CAMK2D: variants seen among roughly 807,000 people sequenced by gnomAD.
CAMK2D encodes calcium/calmodulin dependent protein kinase II delta, also known as calcium/calmodulin-dependent protein kinase type II subunit delta.
A neutral mutation model predicts 84.0 loss-of-function variants in CAMK2D; 37 were observed. The ratio of observed to expected loss-of-function variants is 0.44; its 90% CI spans 0.34 to 0.58. The LOEUF (loss-of-function observed/expected upper bound fraction) is 0.58. Among genes scored for constraint, CAMK2D ranks in the 20% least tolerant of loss-of-function variants. The pLI is 0.02. For missense variants in CAMK2D, 448 were observed against 652.5 expected (o/e 0.69, Z 3.41); for synonymous variants, 202 against 212.5 (o/e 0.95, Z 0.43).
In CAMK2D at chr4:113,493,700, A is replaced by G. The variant is rs202001276; in HGVS notation, c.1135+6763T>C. Among the ~76,000 whole-genome samples the G allele has an allele frequency of 6.1e-4, 92 of 152,054 alleles. No individual in the cohort carries two copies. In the East Asian group the frequency reaches 0.013, roughly 21 times the overall value. On this transcript the variant is annotated intron_variant, in intron 16 of 20. Transcript: ENST00000511664. ...TCTGAACGTTGGCCTGCCTTGCCAGATTGGGGAAGTTCTCCTGGATAATAT... is the reference window on the plus strand; with the variant it reads ...TCTGAACGTTGGCCTGCCTTGCCAGGTTGGGGAAGTTCTCCTGGATAATAT...
At chr4:113,707,728 T>C (rs1182259890) in intron 2 of CAMK2D, among the ~76,000 whole-genome samples, 1 of 152,140 alleles carries the variant, frequency 6.6e-6, no homozygotes, top group African/African-American at 2.4e-5. Flanking sequence ...TAGGGGGCAA[T>C]AGAACGAAAA....
chr4:113,744,331 CTA>C (rs1252847954), intron 2 of CAMK2D, among the ~76,000 whole-genome samples: 1 of 152,186 alleles, frequency 6.6e-6, no homozygotes, highest in Non-Finnish European at 1.5e-5. Flanking sequence ...GTCCTAAACA[CTA>C]TTGAAATTCT....
At chr4:113,658,225 G>A (rs1054993153) in intron 3 of CAMK2D, among the ~76,000 whole-genome samples, 1 of 152,042 alleles carries the variant, frequency 6.6e-6, no homozygotes, top group Non-Finnish European at 1.5e-5. Flanking sequence ...TTTTAAAATC[G>A]TTCTTTACAT....
At position 113,619,554 on chromosome 4, in the gene CAMK2D, C is replaced by T. The variant is rs145539931; in HGVS notation, c.221-10348G>A. On this transcript the variant is annotated intron_variant, in intron 3 of 20. Coordinates refer to ENST00000511664, the MANE Select transcript of CAMK2D (RefSeq NM_001321571.2). The stretch of plus-strand genomic sequence containing the variant: ...CATTGCACTCCAACTTCATTGGCAT[C>T]CTTGCTGCTTCTGGAGAACTCCAGG... Among the ~76,000 whole-genome samples, 1,347 of 152,280 alleles carry T rather than the reference C, an allele frequency of 8.8e-3. 9 individuals carry two copies. The highest frequency in any genetic ancestry group is 0.014 in the Non-Finnish European group (934 of 68,004).
intron 2 of CAMK2D, among the ~76,000 whole-genome samples, chr4:113,688,910 C>CAAAAAAAAAAAAAAAAAAAAAAAGA (rs2099369925): frequency 7.2e-4 from 36 of 49,692 alleles, no homozygotes; most frequent in East Asian, 2.6e-3. Context: ...AAAGAAGATG[C>CAAAAAAAAAAAAAAAAAAAAAAAGA]AAAAAAAAAA....
chr4:113,750,333 T>C (rs1176876037), intron 2 of CAMK2D, among the ~76,000 whole-genome samples: 3 of 152,130 alleles, frequency 2.0e-5, no homozygotes, highest in Admixed American at 6.5e-5. Flanking sequence ...GAGCAGGAAC[T>C]TTCTCCCTCC....
chr4:113,612,263 A>G (rs536404356), intron 3 of CAMK2D, among the ~76,000 whole-genome samples: 3 of 152,264 alleles, frequency 2.0e-5, no homozygotes, highest in Non-Finnish European at 4.4e-5. Flanking sequence ...GACATCATCT[A>G]TTTCTCTTCA....
chr4:113,725,112 T>A (rs907184260), intron 2 of CAMK2D, among the ~76,000 whole-genome samples: 1 of 152,072 alleles, frequency 6.6e-6, no homozygotes, highest in African/African-American at 2.4e-5. Context: ...AGGCTTAAGA[T>A]GTGCAACTAG....
chr4:113,633,346 A>G (rs1241874049), intron 3 of CAMK2D, among the ~76,000 whole-genome samples: 1 of 152,196 alleles, frequency 6.6e-6, no homozygotes, highest in East Asian at 1.9e-4. Context: ...TTTTCTTCAA[A>G]AAGGTATTAA....
chr4:113,602,333 T>C (rs545564478), intron 4 of CAMK2D, among the ~76,000 whole-genome samples: 7 of 152,330 alleles, frequency 4.6e-5, no homozygotes, highest in African/African-American at 1.7e-4. Context: ...TAATGAAGGG[T>C]AACAAAATAT....
In CAMK2D at chr4:113,486,194, A is replaced by T. The variant is rs548141953; in HGVS notation, c.1135+14269T>A. Among the ~76,000 whole-genome samples, 12 of 151,954 alleles carry T rather than the reference A, an allele frequency of 7.9e-5. No homozygotes were observed. In the East Asian group the frequency reaches 2.3e-3, roughly 29 times the overall value. On this transcript the variant is annotated intron_variant, in intron 16 of 20. Coordinates refer to ENST00000511664, the MANE Select transcript of CAMK2D (RefSeq NM_001321571.2). ...CAGGCTGGAGTGAGTGCAGTAGTGC[A>T]GTCATAGCTCGCTGTGGTATTGAAC...
chr4:113,703,282 C>T (rs68163940), intron 2 of CAMK2D, among the ~76,000 whole-genome samples: 35,063 of 152,006 alleles, frequency 0.23, 7,542 homozygotes, highest in African/African-American at 0.57. Flanking sequence ...GAAAATGCTA[C>T]AGTAAAATTT....
At chr4:113,723,909 C>G (rs2099538462) in intron 2 of CAMK2D, among the ~76,000 whole-genome samples, 1 of 152,056 alleles carries the variant, frequency 6.6e-6, no homozygotes, top group Non-Finnish European at 1.5e-5. Flanking sequence ...TTTACTTTTT[C>G]TTTATGAAGT....
chr4:113,569,396 TTAAGTTTTGCATATGGTGTAAGG>T (rs1315475318), intron 4 of CAMK2D, among the ~76,000 whole-genome samples: 3 of 152,246 alleles, frequency 2.0e-5, no homozygotes, highest in African/African-American at 7.2e-5. Context: ...TTGATCCATT[TTAAGTTTTGCATATGGTGTAAGG>T]TAAGGGTCCA....
At chr4:113,578,851 C>T (rs568756642) in intron 4 of CAMK2D, among the ~76,000 whole-genome samples, 1 of 152,288 alleles carries the variant, frequency 6.6e-6, no homozygotes, top group East Asian at 1.9e-4. Context: ...CATGTCCTGT[C>T]CTTTGGCAGA....
intron 3 of CAMK2D, among the ~76,000 whole-genome samples, chr4:113,635,353 C>T (rs1461504153): frequency 6.6e-6 from 1 of 152,162 alleles, no homozygotes; most frequent in Non-Finnish European, 1.5e-5. Context: ...AAGGTCTTTT[C>T]AAGCTCTAAA....
chr4:113,564,202 T>C (rs1258063155), intron 4 of CAMK2D, among the ~76,000 whole-genome samples: 2 of 152,200 alleles, frequency 1.3e-5, no homozygotes, highest in Admixed American at 6.5e-5. Context: ...CTAACACTGA[T>C]TGGCCTAGAG....
At chr4:113,480,387 C>T (rs1355841392) in intron 16 of CAMK2D, among the ~76,000 whole-genome samples, 10 of 152,048 alleles carry the variant, frequency 6.6e-5, no homozygotes, top group East Asian at 1.9e-4. Context: ...CACCAAAGCG[C>T]GTCCTCCATT....
intron 4 of CAMK2D, among the ~76,000 whole-genome samples, chr4:113,590,818 A>G (rs1429092370): frequency 6.6e-6 from 1 of 152,158 alleles, no homozygotes; most frequent in African/African-American, 2.4e-5. Flanking sequence ...TGCCCTCACT[A>G]CCTCACAGAA....
Sources: allele counts gnomAD v4.1 joint callset (sites outside exome capture counted in the v4.1 genomes callset), GRCh38; gene constraint gnomAD v4.1.1; transcripts MANE v1.5; gene names NCBI Gene and HGNC (gene_info 2026-07-23, HGNC 2026-07-21).